The following RAB27B variants were observed in gnomAD, a reference collection of about 807,000 sequenced individuals.
RAB27B encodes RAB27B, member RAS oncogene family.
Under a neutral mutation model 24.6 loss-of-function variants are expected in RAB27B, and 15 were observed. The ratio of observed to expected loss-of-function variants is 0.61; its 90% CI spans 0.41 to 0.94. The LOEUF (loss-of-function observed/expected upper bound fraction) is 0.94. Ranked by LOEUF, RAB27B falls within the 40% of genes least tolerant of loss-of-function variation. The pLI, the probability that RAB27B is intolerant of heterozygous loss-of-function variation, is 0.00. For missense variants in RAB27B, 261 were observed against 266.8 expected, an observed-to-expected ratio of 0.98 and a Z score of 0.15; for synonymous variants, 105 against 92.5, an observed-to-expected ratio of 1.14 and a Z score of -0.78.
At chr18:54,819,454 C>A (rs1910226372) in intron 2 of RAB27B, among the ~76,000 whole-genome samples, 1 of 146,064 alleles carries the variant, frequency 6.8e-6, no homozygotes, top group African/African-American at 2.5e-5. Context: ...ATCACTTGAG[C>A]CTGAGAGACG....
At chr18:54,741,856 C>T (rs1910082957) in intron 2 of RAB27B, among the ~76,000 whole-genome samples, 1 of 152,098 alleles carries the variant, frequency 6.6e-6, no homozygotes, top group Non-Finnish European at 1.5e-5. Flanking sequence ...GCTTAGTTCT[C>T]CTTTTGCCTA....
chr18:54,836,155 A>G (rs1410440448), intron 1 of RAB27B, among the ~76,000 whole-genome samples: 1 of 151,952 alleles, frequency 6.6e-6, no homozygotes, highest in Admixed American at 6.5e-5. Flanking sequence ...TTTCCTGTGC[A>G]AGCTCTGAGG....
intron 2 of RAB27B, among the ~76,000 whole-genome samples, chr18:54,782,445 T>C (rs1220835319): frequency 6.6e-6 from 1 of 152,234 alleles, no homozygotes; most frequent in Non-Finnish European, 1.5e-5. Flanking sequence ...GAAATACTTT[T>C]TTTGCAGCAA....
Position 54,877,643 on chromosome 18 carries a change from G to A in RAB27B, c.58G>A (p.Val20Met), listed in dbSNP as rs1290124969. The A allele has an allele frequency of 2.3e-5, 37 of 1,596,444 alleles. No homozygotes were observed. In the Admixed American group the frequency reaches 6.4e-4, roughly 27 times the overall value. ...ACTCCTGGCCCTCGGGGATTCAGGG[G>A]TGGGGAAGACAACATTTCTTTATAG... The part of the protein sequence containing the change: ...IKLLALGDSG[V>M]GKTTFLYRYT... The change falls in exon 2 of 6, where the codon GTG (valine) becomes ATG (methionine). Residue 20 changes from valine (V) to methionine (M), a missense_variant. Val to Met is a conservative substitution (Grantham distance 21). Transcript: ENST00000262094.
intron 2 of RAB27B, among the ~76,000 whole-genome samples, chr18:54,723,343 A>C (rs1026729948): frequency 6.6e-6 from 1 of 152,146 alleles, no homozygotes; most frequent in Admixed American, 6.5e-5. Flanking sequence ...ATTGCTATGT[A>C]TTGGGATTGG....
At chr18:54,794,612 T>G (rs1393933950) in intron 2 of RAB27B, among the ~76,000 whole-genome samples, 2 of 152,206 alleles carry the variant, frequency 1.3e-5, no homozygotes, top group African/African-American at 4.8e-5. Flanking sequence ...TTGGAAAAAT[T>G]CTTGGAATGG....
chr18:54,729,266 A>G (rs944838618), intron 2 of RAB27B, among the ~76,000 whole-genome samples: 2 of 152,188 alleles, frequency 1.3e-5, no homozygotes, highest in Non-Finnish European at 2.9e-5. Flanking sequence ...AGAATGATTA[A>G]GTTTAAATAT....
chr18:54,868,490 C>A (rs1440216275), intron 1 of RAB27B, among the ~76,000 whole-genome samples: 1 of 152,158 alleles, frequency 6.6e-6, no homozygotes, highest in Non-Finnish European at 1.5e-5. Flanking sequence ...TATAGCAATG[C>A]AAGAAAGGCC....
Position 54,841,265 on chromosome 18 carries a change from A to G in RAB27B, c.-20+12565A>G, listed in dbSNP as rs572105716. Among the ~76,000 whole-genome samples the G allele has an allele frequency of 2.6e-5, 4 of 151,410 alleles. No individual in the cohort carries two copies. In the South Asian group the frequency reaches 6.3e-4, roughly 24 times the overall value. ...AACTGCAGATAAGAAGTATTTGGGGAAAAAAATAAATGATTGCATCTGTCC... is the reference window on the plus strand; with the variant it reads ...AACTGCAGATAAGAAGTATTTGGGGGAAAAAATAAATGATTGCATCTGTCC... On this transcript the variant is annotated intron_variant, in intron 1 of 5. Coordinates refer to ENST00000262094, the MANE Select transcript of RAB27B (RefSeq NM_004163.4).
intron 1 of RAB27B, among the ~76,000 whole-genome samples, chr18:54,864,497 T>C (rs1598972521): frequency 1.2e-5 from 1 of 86,472 alleles, no homozygotes; most frequent in South Asian, 4.5e-4. Context: ...AAAGTTTTTA[T>C]TTTTTTTTCT....
intron 1 of RAB27B, among the ~76,000 whole-genome samples, chr18:54,851,333 A>G (rs564526822): frequency 2.2e-4 from 34 of 152,206 alleles, no homozygotes; most frequent in Non-Finnish European, 2.8e-4. Flanking sequence ...CAAAATTCAA[A>G]AAGCACCAAA....
chr18:54,847,511 AGTGTT>A (rs1911386366), intron 1 of RAB27B, among the ~76,000 whole-genome samples: 3 of 152,340 alleles, frequency 2.0e-5, no homozygotes, highest in African/African-American at 7.2e-5. Flanking sequence ...GTTAGTTAGA[AGTGTT>A]GTGTTAATTA....
intron 2 of RAB27B, among the ~76,000 whole-genome samples, chr18:54,773,081 T>G (rs577693144): frequency 6.6e-6 from 1 of 152,314 alleles, no homozygotes; most frequent in South Asian, 2.1e-4. Context: ...TCACCAATCC[T>G]TTTTTGGTTC....
At chr18:54,812,550 A>AACACACACAC (rs10595171) in intron 2 of RAB27B, among the ~76,000 whole-genome samples, 3,447 of 139,128 alleles carry the variant, frequency 0.025, 71 homozygotes, top group Non-Finnish European at 0.036. Context: ...GAACTCCTTT[A>AACACACACAC]ACACACACAC....
intron 2 of RAB27B, among the ~76,000 whole-genome samples, chr18:54,760,801 G>A (rs1908162626): frequency 6.6e-6 from 1 of 152,140 alleles, no homozygotes; most frequent in Non-Finnish European, 1.5e-5. Context: ...ATGTTTGGTG[G>A]GACATGGAGT....
intron 2 of RAB27B, among the ~76,000 whole-genome samples, chr18:54,801,413 A>G (rs1333040190): frequency 6.6e-6 from 1 of 152,216 alleles, no homozygotes; most frequent in African/African-American, 2.4e-5. Context: ...GTATATGACT[A>G]TTAAAAACCT....
intron 1 of RAB27B, among the ~76,000 whole-genome samples, chr18:54,844,103 A>G (rs1911223834): frequency 6.6e-6 from 1 of 152,206 alleles, no homozygotes; most frequent in African/African-American, 2.4e-5. Context: ...GTTCATGAAT[A>G]AAACACAACA....
intron 2 of RAB27B, among the ~76,000 whole-genome samples, chr18:54,726,474 A>G (rs920506551): frequency 1.3e-5 from 2 of 151,582 alleles, no homozygotes; most frequent in South Asian, 2.1e-4. Context: ...ATGAACATCT[A>G]TCACACAGAC....
At chr18:54,777,711 AT>A (rs1271480775) in intron 2 of RAB27B, among the ~76,000 whole-genome samples, 1 of 152,128 alleles carries the variant, frequency 6.6e-6, no homozygotes, top group Non-Finnish European at 1.5e-5. Flanking sequence ...TTAATTTTCC[AT>A]TTTATCTTCT....
Sources: gnomAD v4.1 joint callset for allele counts (sites outside exome capture counted in the v4.1 genomes callset) on GRCh38, gnomAD v4.1.1 for gene constraint, MANE v1.5 for transcripts, NCBI Gene and HGNC (gene_info 2026-07-23, HGNC 2026-07-21) for gene names.